Variants in TTC29 observed in about 807,000 individuals in gnomAD.
The protein encoded by TTC29 is tetratricopeptide repeat protein 29.
In TTC29, 49 loss-of-function variants were observed where a neutral mutation model predicts 58.1. That is an observed-to-expected ratio of 0.84 (90% confidence interval 0.67 to 1.07). The LOEUF is 1.07. Among genes scored for constraint, TTC29 ranks in the 50% least tolerant of loss-of-function variants. TTC29 has a pLI of 0.00. For missense variants in TTC29, 582 were observed against 555.6 expected (o/e 1.05, Z -0.48); for synonymous variants, 209 against 196.8 (o/e 1.06, Z -0.52).
chr4:146,793,579 G>A (rs183407718), intron 11 of TTC29, among the ~76,000 whole-genome samples: 11 of 152,024 alleles, frequency 7.2e-5, no homozygotes, highest in East Asian at 1.9e-4. Flanking sequence ...TGTGTGACTC[G>A]CTTTATTGCA....
At chr4:146,927,038 G>A (rs1420400121) in intron 4 of TTC29, among the ~76,000 whole-genome samples, 5 of 138,814 alleles carry the variant, frequency 3.6e-5, no homozygotes, top group South Asian at 2.3e-4. Flanking sequence ...TGGAGATTGC[G>A]CCACTGCACT....
intron 9 of TTC29, among the ~76,000 whole-genome samples, chr4:146,821,016 T>C (rs1317038907): frequency 6.7e-6 from 1 of 150,118 alleles, no homozygotes; most frequent in Non-Finnish European, 1.5e-5. Flanking sequence ...AAGACTCCTG[T>C]CTCAGAAAGA....
chr4:146,858,665 A>T (rs1730031600), intron 8 of TTC29, among the ~76,000 whole-genome samples: 1 of 152,334 alleles, frequency 6.6e-6, no homozygotes, highest in Non-Finnish European at 1.5e-5. Context: ...AGTTTTAGTT[A>T]TCTGCGTGTT....
Position 146,750,266 on chromosome 4 carries a change from C to T in TTC29, c.1331-42715G>A, listed in dbSNP as rs987359768. Among the ~76,000 whole-genome samples the T allele has an allele frequency of 4.6e-5, 7 of 152,286 alleles. 1 individual carries two copies. The highest frequency in any genetic ancestry group is 6.8e-3 in the Middle Eastern group (2 of 294). On this transcript the variant is annotated intron_variant, in intron 11 of 12. Coordinates refer to ENST00000325106, the MANE Select transcript of TTC29 (RefSeq NM_031956.4). ...TTGTGATCCGCCCGCCTCGGCCTCCCAAAGTGCTGGGATTACAGGCATGAG... is the reference window on the plus strand; with the variant it reads ...TTGTGATCCGCCCGCCTCGGCCTCCTAAAGTGCTGGGATTACAGGCATGAG...
chr4:146,828,242 TTTTAA>T (rs1727937465), intron 9 of TTC29, among the ~76,000 whole-genome samples: 1 of 152,180 alleles, frequency 6.6e-6, no homozygotes, highest in Non-Finnish European at 1.5e-5. Context: ...TCACCGATTA[TTTTAA>T]TTTAAATATT....
intron 4 of TTC29, among the ~76,000 whole-genome samples, chr4:146,928,602 G>A (rs115374528): frequency 0.014 from 2,201 of 152,294 alleles, 21 homozygotes; most frequent in Non-Finnish European, 0.024. Flanking sequence ...CAGTGAACAA[G>A]ACATCCCTCT....
chr4:146,733,383 G>A lies in TTC29; in HGVS notation c.1331-25832C>T, dbSNP rs369937834. Among the ~76,000 whole-genome samples, 32 of 152,052 alleles carry A rather than the reference G, an allele frequency of 2.1e-4. No homozygotes were observed. The East Asian group carries it at 4.8e-3, about 23-fold the overall frequency. ...ATACATAAATGTTTGATATACTTCT[G>A]TAAGTATATGATATATATATATCAC... On this transcript the variant is annotated intron_variant, in intron 11 of 12. Transcript: ENST00000325106.
intron 10 of TTC29, among the ~76,000 whole-genome samples, chr4:146,817,544 G>T (rs1443052642): frequency 6.6e-6 from 1 of 152,062 alleles, no homozygotes. Flanking sequence ...TCCCCATCAA[G>T]CTACCAATGA....
chr4:146,757,281 C>T (rs906344299), intron 11 of TTC29, among the ~76,000 whole-genome samples: 23 of 151,874 alleles, frequency 1.5e-4, no homozygotes, highest in Non-Finnish European at 1.5e-4. Flanking sequence ...TCCTGTGAGC[C>T]GAACTGCAGT....
At chr4:146,789,233 C>T (rs1028724457) in intron 11 of TTC29, among the ~76,000 whole-genome samples, 2 of 152,110 alleles carry the variant, frequency 1.3e-5, no homozygotes, top group Admixed American at 6.5e-5. Context: ...TGAACTATCA[C>T]GTATTCATGA....
chr4:146,780,299 T>TGGGG (rs1420014910), intron 11 of TTC29, among the ~76,000 whole-genome samples: 3 of 93,990 alleles, frequency 3.2e-5, no homozygotes, highest in African/African-American at 1.3e-4. Context: ...CTTCCTAACT[T>TGGGG]GGGGTGTGTG....
chr4:146,929,462 C>G (rs1237142435), intron 4 of TTC29, among the ~76,000 whole-genome samples: 1 of 152,028 alleles, frequency 6.6e-6, no homozygotes, highest in Admixed American at 6.6e-5. Flanking sequence ...TTTAATTTAC[C>G]TAAAGTAGGA....
At chr4:146,724,382 G>A (rs1376374435) in intron 11 of TTC29, among the ~76,000 whole-genome samples, 1 of 151,882 alleles carries the variant, frequency 6.6e-6, no homozygotes. Context: ...AATAAAAGTT[G>A]AAATTATAAA....
intron 8 of TTC29, among the ~76,000 whole-genome samples, chr4:146,834,727 A>C: frequency 6.6e-6 from 1 of 152,204 alleles, no homozygotes; most frequent in East Asian, 1.9e-4. Context: ...TTTGGAAGAC[A>C]GAGTCAGTGT....
At chr4:146,927,080 C>CAGAA (rs1734987292) in intron 4 of TTC29, among the ~76,000 whole-genome samples, 1 of 110,102 alleles carries the variant, frequency 9.1e-6, no homozygotes, top group East Asian at 2.6e-4. Context: ...GACCCCATCT[C>CAGAA]AAAAAAAAAA....
chr4:146,899,780 C>T (rs1367852032), intron 6 of TTC29, among the ~76,000 whole-genome samples: 1 of 152,158 alleles, frequency 6.6e-6, no homozygotes, highest in Non-Finnish European at 1.5e-5. Context: ...CTATGGTTCC[C>T]TGAGTGTGCT....
intron 8 of TTC29, among the ~76,000 whole-genome samples, chr4:146,855,930 C>A (rs749959160): frequency 1.3e-5 from 2 of 152,184 alleles, no homozygotes; most frequent in African/African-American, 4.8e-5. Flanking sequence ...AATGCCTCTT[C>A]TTCTTTCGCA....
intron 8 of TTC29, among the ~76,000 whole-genome samples, chr4:146,854,213 C>A (rs890343122): frequency 2.0e-5 from 3 of 152,116 alleles, no homozygotes; most frequent in Admixed American, 1.3e-4. Flanking sequence ...GTACTCAATT[C>A]CACATCTCAA....
chr4:146,762,495 G>T (rs991964208), intron 11 of TTC29, among the ~76,000 whole-genome samples: 36 of 151,852 alleles, frequency 2.4e-4, no homozygotes, highest in African/African-American at 7.7e-4. Context: ...GTAGGCAACA[G>T]TTAAATACAC....
Sources: allele counts gnomAD v4.1 joint callset (sites outside exome capture counted in the v4.1 genomes callset), GRCh38; gene constraint gnomAD v4.1.1; transcripts MANE v1.5; gene names NCBI Gene and HGNC (gene_info 2026-07-23, HGNC 2026-07-21).